Variants in ROCK2 observed in about 807,000 individuals in gnomAD.
ROCK2 encodes rho-associated protein kinase 2.
In ROCK2, 61 loss-of-function variants were observed where a neutral mutation model predicts 195.1. That is an observed-to-expected ratio of 0.31 (90% CI 0.25 to 0.39). ROCK2 has a LOEUF of 0.39. Among genes scored for constraint, ROCK2 ranks in the 10% least tolerant of loss-of-function variants. The probability of loss-of-function intolerance (pLI) is 1.00; values close to 1 mark genes in which losing one functional copy is unlikely to be tolerated. For missense variants in ROCK2, 1,109 were observed against 1,637.4 expected (o/e 0.68, Z 5.57); for synonymous variants, 504 against 545.5 (o/e 0.92, Z 1.06).
chr2:11,283,262 C>CA (rs70953382), intron 3 of ROCK2, among the ~76,000 whole-genome samples: 33 of 136,310 alleles, frequency 2.4e-4, no homozygotes, highest in African/African-American at 6.1e-4. Flanking sequence ...GACTCCGTCT[C>CA]AAAAAAAAAA....
intron 1 of ROCK2, among the ~76,000 whole-genome samples, chr2:11,309,567 T>C (rs1667969610): frequency 6.6e-6 from 1 of 152,216 alleles, no homozygotes; most frequent in Admixed American, 6.5e-5. Flanking sequence ...TAGGGTTCTA[T>C]ACCTAGAAAG....
chr2:11,276,791 G>T (rs72787680), intron 3 of ROCK2, among the ~76,000 whole-genome samples: 6,465 of 152,172 alleles, frequency 0.042, 280 homozygotes, highest in Non-Finnish European at 0.06. Flanking sequence ...TGGTGTGTGT[G>T]TATGTATACA....
intron 1 of ROCK2, among the ~76,000 whole-genome samples, chr2:11,317,607 TA>T (rs1186812471): frequency 6.6e-4 from 16 of 24,334 alleles, no homozygotes; most frequent in African/African-American, 1.2e-3. Flanking sequence ...TATATATATA[TA>T]TATATTTTTT....
chr2:11,327,179 G>C (rs1158903216), intron 1 of ROCK2, among the ~76,000 whole-genome samples: 1 of 152,114 alleles, frequency 6.6e-6, no homozygotes, highest in East Asian at 1.9e-4. Flanking sequence ...AAATTCATGA[G>C]GACAAGGACA....
At chr2:11,317,132 C>A (rs1394445462) in intron 1 of ROCK2, among the ~76,000 whole-genome samples, 2 of 151,902 alleles carry the variant, frequency 1.3e-5, no homozygotes, top group African/African-American at 4.8e-5. Context: ...ACTTTTCCTG[C>A]GAATGAGGCC....
At chr2:11,313,200 T>C (rs951747648) in intron 1 of ROCK2, among the ~76,000 whole-genome samples, 1 of 152,042 alleles carries the variant, frequency 6.6e-6, no homozygotes, top group African/African-American at 2.4e-5. Context: ...ACGATGTTAA[T>C]AACAGAAACG....
chr2:11,191,607 A>G (rs1364045438), intron 32 of ROCK2, among the ~76,000 whole-genome samples: 1 of 152,186 alleles, frequency 6.6e-6, no homozygotes, highest in Non-Finnish European at 1.5e-5. Context: ...AGGTCTGTGT[A>G]CAATGTTAAT....
intron 3 of ROCK2, among the ~76,000 whole-genome samples, chr2:11,258,075 C>CT (rs1572322503): frequency 6.6e-6 from 1 of 150,754 alleles, no homozygotes; most frequent in African/African-American, 2.5e-5. Context: ...GAAACAAAAA[C>CT]TCTGCTTTTC....
In ROCK2 at chr2:11,255,073, C is replaced by T. The variant is rs538071913; in HGVS notation, c.325-5275G>A. ...TGTACTAAAAATACAAAAAATTAGCCAGGCATGGTGGCGGGCACCTGTAGT... is the reference window on the plus strand; with the variant it reads ...TGTACTAAAAATACAAAAAATTAGCTAGGCATGGTGGCGGGCACCTGTAGT... On this transcript the variant is annotated intron_variant, in intron 3 of 32. Coordinates refer to ENST00000315872, the MANE Select transcript of ROCK2 (RefSeq NM_004850.5). 7.4e-3 allele frequency among the ~76,000 whole-genome samples: 1,097 copies of T among 148,410 alleles called. 22 individuals are homozygous for T. The highest frequency in any genetic ancestry group is 0.027 in the African/African-American group (1,021 of 38,048).
intron 3 of ROCK2, among the ~76,000 whole-genome samples, chr2:11,285,345 C>T (rs1667151616): frequency 6.6e-6 from 1 of 151,656 alleles, no homozygotes; most frequent in Non-Finnish European, 1.5e-5. Flanking sequence ...ATGTACCATC[C>T]ATGCTTTCAC....
At chr2:11,188,577 T>A (rs1663290971) in intron 32 of ROCK2, among the ~76,000 whole-genome samples, 2 of 152,188 alleles carry the variant, frequency 1.3e-5, no homozygotes, top group East Asian at 3.9e-4. Flanking sequence ...TTTCTATACA[T>A]TATTTTTATG....
At chr2:11,233,802 T>C (rs1665108185) in intron 5 of ROCK2, among the ~76,000 whole-genome samples, 1 of 152,142 alleles carries the variant, frequency 6.6e-6, no homozygotes, top group Non-Finnish European at 1.5e-5. Flanking sequence ...TGCAAAAACG[T>C]ATGGTGAACA....
At chr2:11,343,656 A>G (rs2148285339) in intron 1 of ROCK2, among the ~76,000 whole-genome samples, 1 of 152,280 alleles carries the variant, frequency 6.6e-6, no homozygotes, top group South Asian at 2.1e-4. Flanking sequence ...CTTTCAAATC[A>G]GCTAACCTGG....
chr2:11,330,212 ATCTT>A lies in ROCK2; in HGVS notation c.141+13780_141+13783del, dbSNP rs542153852. Among the ~76,000 whole-genome samples the A allele has an allele frequency of 1.3e-4, 20 of 152,366 alleles. No individual in the cohort carries two copies. The South Asian group carries it at 3.9e-3, about 30-fold the overall frequency. The stretch of plus-strand genomic sequence containing the variant: ...AGTTTCAGATTTCACATTTCTAATT[ATCTT>A]TCTATTCAGCAATTATTTGAAAACA... On this transcript the variant is annotated intron_variant, in intron 1 of 32. Coordinates refer to ENST00000315872, the MANE Select transcript of ROCK2 (RefSeq NM_004850.5).
chr2:11,273,422 TTAA>T (rs1390189770), intron 3 of ROCK2, among the ~76,000 whole-genome samples: 1 of 152,100 alleles, frequency 6.6e-6, no homozygotes, highest in African/African-American at 2.4e-5. Context: ...ACATTATATC[TTAA>T]TAAAAGTTTC....
At chr2:11,317,613 T>TATA (rs1553317465) in intron 1 of ROCK2, among the ~76,000 whole-genome samples, 810 of 20,112 alleles carry the variant, frequency 0.04, 35 homozygotes, top group Non-Finnish European at 0.046. Context: ...TATATATATA[T>TATA]TTTTTTTTTT....
At chr2:11,302,377 T>C (rs1172430214) in intron 1 of ROCK2, among the ~76,000 whole-genome samples, 3 of 152,110 alleles carry the variant, frequency 2.0e-5, no homozygotes, top group Admixed American at 6.5e-5. Context: ...TGGAGTGCAG[T>C]GGTATGGTCT....
At chr2:11,210,400 G>A (rs2148058119) in intron 18 of ROCK2, among the ~76,000 whole-genome samples, 1 of 151,728 alleles carries the variant, frequency 6.6e-6, no homozygotes, top group South Asian at 2.1e-4. Flanking sequence ...GCTCACTGCA[G>A]CCTTGAACTC....
chr2:11,208,567 G>A (rs1664137807), intron 18 of ROCK2, 120 bp from the exon 19 acceptor site: 1 of 463,362 alleles, frequency 2.2e-6, no homozygotes, highest in Admixed American at 4.3e-5. Context: ...AAATGATGCT[G>A]CCTTATATTC....
Sources: allele counts gnomAD v4.1 joint callset (sites outside exome capture counted in the v4.1 genomes callset), GRCh38; gene constraint gnomAD v4.1.1; transcripts MANE v1.5; gene names NCBI Gene and HGNC (gene_info 2026-07-23, HGNC 2026-07-21).